Variants in MCTP1 observed in about 807,000 individuals in gnomAD.
MCTP1 encodes multiple C2 and transmembrane domain containing 1, also known as multiple C2 and transmembrane domain-containing protein 1.
A neutral mutation model predicts 120.6 loss-of-function variants in MCTP1; 69 were observed. The observed-to-expected ratio is 0.57, with a 90% CI of 0.47 to 0.70. The LOEUF (loss-of-function observed/expected upper bound fraction) is 0.70, where lower values mean the gene tolerates loss of function less well. Ranked by LOEUF, MCTP1 falls within the 30% of genes least tolerant of loss-of-function variation. The pLI is 0.00. For synonymous variants in MCTP1, 529 were observed against 493.1 expected, an observed-to-expected ratio of 1.07 and a Z score of -0.96; for missense variants, 1,203 against 1,248.8, an observed-to-expected ratio of 0.96 and a Z score of 0.55.
intron 17 of MCTP1, among the ~76,000 whole-genome samples, chr5:94,845,103 C>T (rs1792027690): frequency 6.6e-6 from 1 of 152,178 alleles, no homozygotes; most frequent in African/African-American, 2.4e-5. Context: ...TATCCAGAAT[C>T]TATAAGGAAC....
intron 2 of MCTP1, among the ~76,000 whole-genome samples, chr5:95,001,790 G>C (rs971875608): frequency 6.6e-6 from 1 of 152,156 alleles, no homozygotes; most frequent in Non-Finnish European, 1.5e-5. Flanking sequence ...AATCATTTTT[G>C]GGGGGAGAAA....
chr5:95,043,435 G>A (rs1447834554), intron 1 of MCTP1, among the ~76,000 whole-genome samples: 1 of 152,006 alleles, frequency 6.6e-6, no homozygotes, highest in Non-Finnish European at 1.5e-5. Flanking sequence ...TGAAGCCCAT[G>A]TGACTTCCTC....
chr5:95,062,484 C>G (rs1749491266), intron 1 of MCTP1, among the ~76,000 whole-genome samples: 1 of 152,114 alleles, frequency 6.6e-6, no homozygotes. Context: ...ATAATTCCCT[C>G]CCTGCATTAA....
In MCTP1 at chr5:94,926,377, AG is replaced by A. The variant is rs1418719528; in HGVS notation, c.1213-2357del. Among the ~76,000 whole-genome samples the A allele has an allele frequency of 2.8e-3, 424 of 152,298 alleles. 3 individuals carry two copies. The highest frequency in any genetic ancestry group is 3.7e-3 in the South Asian group (18 of 4,826). On this transcript the variant is annotated intron_variant, in intron 6 of 22. Coordinates refer to ENST00000515393, the MANE Select transcript of MCTP1 (RefSeq NM_024717.7). ...ATCAATACAATTTTGGCCACTTAAG[AG>A]ATTAAAAAATAAATAAATACACAAA...
At chr5:95,252,435 A>G (rs1582663916) in intron 1 of MCTP1, among the ~76,000 whole-genome samples, 1 of 152,280 alleles carries the variant, frequency 6.6e-6, no homozygotes, top group East Asian at 1.9e-4. Context: ...AACTCACCAG[A>G]GCCTTATTTA....
rs561273606 is a variant in MCTP1, at chr5:94,843,637, C to T, written c.2436+24696G>A. ...GAATTGTTAACAATGTTTTGGAGGC[C>T]ATTAGTTGTGTCTCTTTATAAGAAT... On this transcript the variant is annotated intron_variant, in intron 17 of 22. Coordinates refer to ENST00000515393, the MANE Select transcript of MCTP1 (RefSeq NM_024717.7). Among the ~76,000 whole-genome samples, 5 of 152,194 alleles carry T rather than the reference C, an allele frequency of 3.3e-5. No homozygotes were observed. The South Asian group carries it at 1.0e-3, about 32-fold the overall frequency.
chr5:94,828,090 A>G (rs747087562), intron 17 of MCTP1, among the ~76,000 whole-genome samples: 2 of 152,002 alleles, frequency 1.3e-5, no homozygotes, highest in African/African-American at 2.4e-5. Context: ...CCTCATCTTC[A>G]TGGACTTATC....
Position 95,277,393 on chromosome 5 carries a change from G to A in MCTP1, c.720+6463C>T, listed in dbSNP as rs537457345. 2.0e-5 allele frequency among the ~76,000 whole-genome samples: 3 copies of A among 152,342 alleles called. No individual in the cohort carries two copies. The South Asian group carries it at 6.2e-4, about 32-fold the overall frequency. ...AGCCAAGCTACCAGCTGGTGGAAGA[G>A]GGGAACATCAAATATATCTGCCAGG... is the stretch of plus-strand genomic sequence containing the variant. On this transcript the variant is annotated intron_variant, in intron 1 of 22. Transcript: ENST00000515393.
At chr5:94,999,124 T>A (rs1833164745) in intron 2 of MCTP1, among the ~76,000 whole-genome samples, 1 of 152,212 alleles carries the variant, frequency 6.6e-6, no homozygotes, top group South Asian at 2.1e-4. Flanking sequence ...CTTTATATTA[T>A]CCAATTTCAG....
chr5:95,187,495 G>A (rs950639306), intron 1 of MCTP1, among the ~76,000 whole-genome samples: 6 of 152,128 alleles, frequency 3.9e-5, no homozygotes, highest in East Asian at 1.9e-4. Context: ...CACCTTCCGC[G>A]TTCAAGTGAT....
chr5:95,205,273 C>A (rs1243489331), intron 1 of MCTP1, among the ~76,000 whole-genome samples: 1 of 151,952 alleles, frequency 6.6e-6, no homozygotes, highest in Non-Finnish European at 1.5e-5. Flanking sequence ...GTTGGGACAA[C>A]TGGGAAAATT....
At chr5:94,965,776 T>C (rs193109782) in intron 2 of MCTP1, among the ~76,000 whole-genome samples, 3 of 152,294 alleles carry the variant, frequency 2.0e-5, no homozygotes, top group African/African-American at 7.2e-5. Flanking sequence ...TCGGAAGTGA[T>C]TAGGCCATGA....
chr5:94,888,764 TTTAAA>T lies in MCTP1; in HGVS notation c.1933+110_1933+114del, dbSNP rs532074652. 775 of 611,754 alleles carry T rather than the reference TTTAAA, an allele frequency of 1.3e-3. 12 individuals carry two copies. The South Asian group carries it at 0.016, about 13-fold the overall frequency. 37.9% of individuals were successfully genotyped at this position (611,754 alleles called of 1,614,324 possible). ...ATATTTCTAAGATCATCCCTGAATC[TTTAAA>T]TTATTTATTTTGATGATCCATCAGG... On this transcript the variant is annotated intron_variant, in intron 12 of 22. Transcript: ENST00000515393.
At chr5:94,732,797 T>C (rs1017645428) in intron 19 of MCTP1, among the ~76,000 whole-genome samples, 7 of 152,182 alleles carry the variant, frequency 4.6e-5, no homozygotes, top group African/African-American at 1.7e-4. Context: ...ACACACTGGA[T>C]CTGCCAGAGT....
chr5:94,806,235 T>C (rs1782253256), intron 17 of MCTP1, among the ~76,000 whole-genome samples: 1 of 151,852 alleles, frequency 6.6e-6, no homozygotes, highest in African/African-American at 2.4e-5. Flanking sequence ...AAGGTGGCTG[T>C]AAAGGCAAAG....
intron 1 of MCTP1, among the ~76,000 whole-genome samples, chr5:95,261,181 A>G (rs1758438843): frequency 1.3e-5 from 2 of 152,316 alleles, no homozygotes; most frequent in South Asian, 4.1e-4. Context: ...TATCCATCAG[A>G]CAAATAAACT....
intron 1 of MCTP1, among the ~76,000 whole-genome samples, chr5:95,087,675 A>G (rs1441359310): frequency 6.6e-6 from 1 of 152,216 alleles, no homozygotes; most frequent in African/African-American, 2.4e-5. Context: ...GTAGGCAAAA[A>G]GCAGCCTTGG....
At chr5:94,973,299 C>T (rs996035584) in intron 2 of MCTP1, among the ~76,000 whole-genome samples, 2 of 152,164 alleles carry the variant, frequency 1.3e-5, no homozygotes, top group Admixed American at 1.3e-4. Context: ...ACCGACTTGT[C>T]CCGTCTACCT....
chr5:95,058,858 T>G (rs1026306404), intron 1 of MCTP1, among the ~76,000 whole-genome samples: 2 of 152,148 alleles, frequency 1.3e-5, no homozygotes, highest in African/African-American at 4.8e-5. Context: ...CATTCTCTTT[T>G]TAAAGATCCA....
Sources: gnomAD v4.1 joint callset for allele counts (sites outside exome capture counted in the v4.1 genomes callset) on GRCh38, gnomAD v4.1.1 for gene constraint, MANE v1.5 for transcripts, NCBI Gene and HGNC (gene_info 2026-07-23, HGNC 2026-07-21) for gene names.